PERP: variants seen among roughly 807,000 people sequenced by gnomAD.
The protein encoded by PERP is p53 apoptosis effector related to PMP-22.
A neutral mutation model predicts 20.3 loss-of-function variants in PERP; 11 were observed. The ratio of observed to expected loss-of-function variants is 0.54; its 90% CI spans 0.34 to 0.90. PERP has a LOEUF of 0.90. Ranked by LOEUF, PERP falls within the 40% of genes least tolerant of loss-of-function variation. The pLI, the probability that PERP is intolerant of heterozygous loss-of-function variation, is 0.02. For synonymous variants in PERP, 101 were observed against 102.0 expected, an observed-to-expected ratio of 0.99 and a Z score of 0.06; for missense variants, 224 against 249.4, an observed-to-expected ratio of 0.90 and a Z score of 0.69.
chr6:138,103,340 C>T (rs147371157), intron 1 of PERP, among the ~76,000 whole-genome samples: 14,377 of 151,756 alleles, frequency 0.095, 728 homozygotes, highest in Middle Eastern at 0.18. Context: ...TTAGTAGAGA[C>T]GGGGTTTTAC....
In PERP at chr6:138,090,191, C is replaced by T. The variant is rs1775554804; in HGVS notation, c.*1851G>A. On this transcript the variant is annotated 3_prime_UTR_variant, in exon 3 of 3. Coordinates refer to ENST00000421351, the MANE Select transcript of PERP (RefSeq NM_022121.5). ...ATTTCTCTATGAGAAACATTCACCT[C>T]GCATTTTGAAAAGCATAGAAAAATT... 1 of 152,104 alleles carries T rather than the reference C, an allele frequency of 6.6e-6. No homozygotes were observed. The highest frequency in any genetic ancestry group is 2.1e-4 in the South Asian group (1 of 4,820). The allele number at this position is 152,104 out of a possible 1,614,324, so 9.4% of individuals were successfully genotyped here.
chr6:138,107,235 A>C lies in PERP; in HGVS notation c.106T>G (p.Leu36Val). 1.2e-6 allele frequency: 2 copies of C among 1,612,244 alleles called. No individual in the cohort carries two copies. The highest frequency in any genetic ancestry group is 1.7e-6 in the Non-Finnish European group (2 of 1,179,650). The change falls in exon 1 of 3, where the codon TTG (leucine) becomes GTG (valine). Residue 36 changes from leucine (L) to valine (V), a missense_variant. By Grantham distance (32) the Leu-to-Val change is conservative. Transcript: ENST00000421351. The surrounding 1 kb of genome is among the most constrained non-coding windows in gnomAD (Gnocchi z 4.8). ...DIIALAGRGW[L>V]QSSDHGQTSS... is the part of the protein sequence containing the mutation. ...GTCTGGCCGTGGTCGCTAGACTGCA[A>C]CCAGCCGCGGCCGGCCAGCGCGATG...
In PERP at chr6:138,088,824, T is replaced by A. The variant is rs1054518299; in HGVS notation, c.*3218A>T. 2 of 152,200 alleles carry A rather than the reference T, an allele frequency of 1.3e-5. No homozygotes were observed. The highest frequency in any genetic ancestry group is 4.8e-5 in the African/African-American group (2 of 41,458). 9.4% of individuals were successfully genotyped at this position (152,200 alleles called of 1,614,324 possible). A position where few individuals can be genotyped will look rare whatever the true frequency, so the allele number is the denominator to read the frequency against. ...CTGATGGGGTTGCAAGCCCAGCCTG[T>A]CTGCAGGAATTTTTAAATCTGAAAC... On this transcript the variant is annotated 3_prime_UTR_variant, in exon 3 of 3. Transcript: ENST00000421351.
intron 1 of PERP, among the ~76,000 whole-genome samples, chr6:138,101,985 G>A (rs955070459): frequency 2.0e-5 from 3 of 152,098 alleles, no homozygotes; most frequent in African/African-American, 7.2e-5. Context: ...CCTGGTTTGC[G>A]ACACTTAGAG....
chr6:138,098,294 T>C (rs1775726596), intron 1 of PERP, among the ~76,000 whole-genome samples: 1 of 152,214 alleles, frequency 6.6e-6, no homozygotes, highest in South Asian at 2.1e-4. Context: ...CTAGGTTGTT[T>C]GACTGGTCAA....
rs1163041146 is a variant in PERP, at chr6:138,091,386, A to C, written c.*656T>G. On this transcript the variant is annotated 3_prime_UTR_variant, in exon 3 of 3. Coordinates refer to ENST00000421351, the MANE Select transcript of PERP (RefSeq NM_022121.5). ...TTTCATCTAAATATTTCACACTTAAAGGAAAGCCTTACCAACTATGGCAAC... is the reference window on the plus strand; with the variant it reads ...TTTCATCTAAATATTTCACACTTAACGGAAAGCCTTACCAACTATGGCAAC... 2 of 151,818 alleles carry C rather than the reference A, an allele frequency of 1.3e-5. No homozygotes were observed. The highest frequency in any genetic ancestry group is 6.5e-5 in the Admixed American group (1 of 15,282). 9.4% of individuals were successfully genotyped at this position (151,818 alleles called of 1,614,324 possible). A position where few individuals can be genotyped will look rare whatever the true frequency, so the allele number is the denominator to read the frequency against.
chr6:138,092,052 G>A lies in PERP; in HGVS notation c.572C>T (p.Thr191Ile). The change falls in exon 3 of 3, where the codon ACA becomes ATA. Residue 191 changes from threonine (T) to isoleucine (I), a missense_variant. Thr to Ile is a moderately conservative substitution (Grantham distance 89). Coordinates refer to ENST00000421351, the MANE Select transcript of PERP (RefSeq NM_022121.5). ...ACATTCATTCCCAAGTTAGGCAGAT[G>A]TGTAGAAGTACCTGGGCTTGGCATT... ...LGNAKPRYFY[T>I]SA 1.9e-6 allele frequency: 3 copies of A among 1,613,688 alleles called. No individual in the cohort carries two copies. The highest frequency in any genetic ancestry group is 1.7e-6 in the Non-Finnish European group (2 of 1,179,704).
intron 1 of PERP, among the ~76,000 whole-genome samples, chr6:138,101,829 G>C (rs1301944577): frequency 6.6e-6 from 1 of 152,202 alleles, no homozygotes; most frequent in Non-Finnish European, 1.5e-5. Context: ...CATAGTCAAT[G>C]AGGAGGTAAT....
intron 1 of PERP, among the ~76,000 whole-genome samples, chr6:138,101,172 C>T (rs1473087734): frequency 5.3e-5 from 8 of 152,132 alleles, no homozygotes. Context: ...AGTTCGAGAC[C>T]AGCCTGGCCA....
At chr6:138,095,452 A>G (rs1775666298) in intron 2 of PERP, among the ~76,000 whole-genome samples, 1 of 152,116 alleles carries the variant, frequency 6.6e-6, no homozygotes. Context: ...ATGATCATAT[A>G]GACCCCTTAG....
intron 1 of PERP, among the ~76,000 whole-genome samples, chr6:138,102,968 G>A (rs1246293465): frequency 1.3e-5 from 2 of 151,608 alleles, no homozygotes; most frequent in South Asian, 2.1e-4. Context: ...GCGTGGTGGC[G>A]GGCGCCTGTA....
At chr6:138,102,239 T>C (rs1775785279) in intron 1 of PERP, among the ~76,000 whole-genome samples, 2 of 152,172 alleles carry the variant, frequency 1.3e-5, no homozygotes, top group South Asian at 4.1e-4. Flanking sequence ...AGACGATTTA[T>C]CTAATCAACG....
rs531328275 is a variant in PERP, at chr6:138,095,843, C to A, written c.355+511G>T. Among the ~76,000 whole-genome samples, 10 of 152,342 alleles carry A rather than the reference C, an allele frequency of 6.6e-5. No homozygotes were observed. In the South Asian group the frequency reaches 1.0e-3, roughly 16 times the overall value. On this transcript the variant is annotated intron_variant, in intron 2 of 2. Transcript: ENST00000421351. ...CCTGTGTCTGGACCACTATTCCCCC[C>A]ACACAGGCACCATGCTGCAGATTCC...
In PERP at chr6:138,088,626, C is replaced by T. The variant is rs1192754421; in HGVS notation, c.*3416G>A. The T allele has an allele frequency of 6.6e-6, 1 of 152,104 alleles. No individual in the cohort carries two copies. Among genetic ancestry groups the T allele is most frequent in the East Asian group, 1.9e-4 (1 of 5,196 alleles). 9.4% of individuals were successfully genotyped at this position (152,104 alleles called of 1,614,324 possible). On this transcript the variant is annotated 3_prime_UTR_variant, in exon 3 of 3. Coordinates refer to ENST00000421351, the MANE Select transcript of PERP (RefSeq NM_022121.5). ...CTGGATAGGAACCTCTTTTAATTTCCCTTTCTTGGCTTTTTCCACACCCTA... is the reference window on the plus strand; with the variant it reads ...CTGGATAGGAACCTCTTTTAATTTCTCTTTCTTGGCTTTTTCCACACCCTA...
In PERP at chr6:138,092,327, C is replaced by T. The variant is rs563088306; in HGVS notation, c.356-59G>A. The stretch of plus-strand genomic sequence containing the variant: ...GCATACATGCATGAAGGAATAAATA[C>T]ACATTAGCGACAGATTACCTCCTTC... On this transcript the variant is annotated intron_variant, in intron 2 of 2. Transcript: ENST00000421351. 4.9e-4 allele frequency: 688 copies of T among 1,394,400 alleles called. 1 individual carries two copies. Among genetic ancestry groups the T allele is most frequent in the Non-Finnish European group, 6.7e-4 (666 of 991,410 alleles). The allele number at this position is 1,394,400 out of a possible 1,614,324, so 86.4% of individuals were successfully genotyped here.
rs1475899409 is a variant in PERP, at chr6:138,089,834, A to C, written c.*2208T>G. On this transcript the variant is annotated 3_prime_UTR_variant, in exon 3 of 3. Coordinates refer to ENST00000421351, the MANE Select transcript of PERP (RefSeq NM_022121.5). ...TACTTTAGGTTGACATGGTTCTATT[A>C]TATCAGGCTCGTTGGTCCCAGGAGG... 2.0e-5 allele frequency: 3 copies of C among 152,214 alleles called. No individual in the cohort carries two copies. Among genetic ancestry groups the C allele is most frequent in the African/African-American group, 7.2e-5 (3 of 41,448 alleles). The allele number at this position is 152,214 out of a possible 1,614,324, so 9.4% of individuals were successfully genotyped here. A position where few individuals can be genotyped will look rare whatever the true frequency, so the allele number is the denominator to read the frequency against.
rs1434836543 is a variant in PERP at position 138,088,656 on chromosome 6, G to A, written c.*3386C>T. The A allele has an allele frequency of 3.3e-5, 5 of 152,138 alleles. No homozygotes were observed. Among genetic ancestry groups the A allele is most frequent in the Admixed American group, 2.0e-4 (3 of 15,252 alleles). 9.4% of individuals were successfully genotyped at this position (152,138 alleles called of 1,614,324 possible). A position where few individuals can be genotyped will look rare whatever the true frequency, so the allele number is the denominator to read the frequency against. Reference sequence around the variant, plus strand: ...CTTGGCTTTTTCCACACCCTAGGTGGATTACACTCACCCTGACACACCTAG... The same window carrying A: ...CTTGGCTTTTTCCACACCCTAGGTGAATTACACTCACCCTGACACACCTAG... On this transcript the variant is annotated 3_prime_UTR_variant, in exon 3 of 3. Coordinates refer to ENST00000421351, the MANE Select transcript of PERP (RefSeq NM_022121.5).
intron 2 of PERP, 120 bp downstream of exon 2, chr6:138,096,234 A>G: frequency 1.6e-6 from 2 of 1,278,716 alleles, no homozygotes; most frequent in African/African-American, 1.5e-5. Flanking sequence ...CCCTGGTGAT[A>G]CATTTTCCGA....
At chr6:138,101,718 A>C (rs1775776849) in intron 1 of PERP, among the ~76,000 whole-genome samples, 1 of 152,230 alleles carries the variant, frequency 6.6e-6, no homozygotes, top group South Asian at 2.1e-4. Context: ...ACACAGGCAG[A>C]ACTGAAAACT....
Sources: allele counts gnomAD v4.1 joint callset (sites outside exome capture counted in the v4.1 genomes callset), GRCh38; gene constraint gnomAD v4.1.1; non-coding constraint Gnocchi (gnomAD v3.1); transcripts MANE v1.5; gene names NCBI Gene and HGNC (gene_info 2026-07-23, HGNC 2026-07-21).